The following CNGA3 variants were observed in gnomAD, a reference collection of about 807,000 sequenced individuals.
CNGA3 encodes cyclic nucleotide-gated channel alpha-3.
A neutral mutation model predicts 46.6 loss-of-function variants in CNGA3; 42 were observed. The ratio of observed to expected loss-of-function variants is 0.90; its 90% confidence interval spans 0.70 to 1.17. The LOEUF is 1.17. Ranked by LOEUF, CNGA3 falls within the 50% of genes most tolerant of loss-of-function variation. The probability of loss-of-function intolerance (pLI) is 0.00; values close to 1 mark genes in which losing one functional copy is unlikely to be tolerated. For missense variants in CNGA3, 893 were observed against 890.7 expected (o/e 1.00, Z -0.03); for synonymous variants, 394 against 369.4 (o/e 1.07, Z -0.76).
At position 98,398,395 on chromosome 2, in the gene CNGA3, G is replaced by A. The variant is rs1374350724; in HGVS notation, c.*1140G>A. On this transcript the variant is annotated 3_prime_UTR_variant, in exon 8 of 8. Coordinates refer to ENST00000272602, the MANE Select transcript of CNGA3 (RefSeq NM_001298.3). Reference sequence around the variant, plus strand: ...ATTCCATCCTTCACTTATGTAACATGTTGCAAATTACCCAAAGATGAGTCT... The same window carrying A: ...ATTCCATCCTTCACTTATGTAACATATTGCAAATTACCCAAAGATGAGTCT... 3 of 152,168 alleles carry A rather than the reference G, an allele frequency of 2.0e-5. No individual in the cohort carries two copies. The highest frequency in any genetic ancestry group is 7.2e-5 in the African/African-American group (3 of 41,516). The allele number at this position is 152,168 out of a possible 1,614,324, so 9.4% of individuals were successfully genotyped here.
chr2:98,386,374 G>T (rs1352991160), intron 5 of CNGA3, among the ~76,000 whole-genome samples: 1 of 152,206 alleles, frequency 6.6e-6, no homozygotes, highest in Non-Finnish European at 1.5e-5. Flanking sequence ...GATCTGGTGG[G>T]AGGTAATTGA....
chr2:98,368,894 G>C (rs964441923), intron 1 of CNGA3, among the ~76,000 whole-genome samples: 2 of 152,194 alleles, frequency 1.3e-5, no homozygotes, highest in East Asian at 3.8e-4. Context: ...GGTAGGTCAA[G>C]GTGTGGCCAT....
chr2:98,380,366 A>G lies in CNGA3; in HGVS notation c.395+12A>G, dbSNP rs1298449939. 1.2e-6 allele frequency: 2 copies of G among 1,612,518 alleles called. No individual in the cohort carries two copies. Among genetic ancestry groups the G allele is most frequent in the African/African-American group, 2.7e-5 (2 of 74,914 alleles). On this transcript the variant is annotated intron_variant, in intron 4 of 7. Coordinates refer to ENST00000272602, the MANE Select transcript of CNGA3 (RefSeq NM_001298.3). ...GACAGAGGGAGAAGGTAAGGAACGG[A>G]AAAGAAGAAGGGGCCTCTGGTGCCT... is the stretch of plus-strand genomic sequence containing the variant.
chr2:98,380,532 GC>G (rs1375052314), intron 4 of CNGA3, among the ~76,000 whole-genome samples, 178 bp downstream of exon 4: 2 of 152,152 alleles, frequency 1.3e-5, no homozygotes, highest in African/African-American at 4.8e-5. Flanking sequence ...AACAGCCTCT[GC>G]GGAGTCCAAG....
At chr2:98,386,875 G>A (rs141120669) in intron 5 of CNGA3, among the ~76,000 whole-genome samples, 131 of 152,276 alleles carry the variant, frequency 8.6e-4, no homozygotes, top group African/African-American at 3.1e-3. Flanking sequence ...CAAGAAGCTG[G>A]ATTCTGCGTA....
chr2:98,395,168 G>A (rs531175171), intron 7 of CNGA3, among the ~76,000 whole-genome samples: 84 of 151,800 alleles, frequency 5.5e-4, no homozygotes, highest in Admixed American at 3.2e-3. Flanking sequence ...ATCTGCCTCC[G>A]TCACTTTTTT....
At chr2:98,372,754 C>A (rs1442881586) in intron 2 of CNGA3, among the ~76,000 whole-genome samples, 6 of 152,144 alleles carry the variant, frequency 3.9e-5, no homozygotes, top group African/African-American at 1.4e-4. Context: ...GCTCAATTGA[C>A]TCCCACTCCC....
chr2:98,382,162 G>A (rs115946600), intron 4 of CNGA3, among the ~76,000 whole-genome samples: 213 of 152,276 alleles, frequency 1.4e-3, no homozygotes, highest in African/African-American at 4.7e-3. Flanking sequence ...GCGATGGTGC[G>A]GATAGTGTTG....
intron 3 of CNGA3, 147 bp from the exon 4 acceptor site, chr2:98,380,028 C>A: frequency 2.1e-6 from 2 of 932,390 alleles, no homozygotes; most frequent in African/African-American, 1.6e-5. Context: ...CCCCCAGCAC[C>A]CGTACCCTGC....
chr2:98,379,033 T>G (rs538892645), intron 3 of CNGA3, among the ~76,000 whole-genome samples: 1 of 152,324 alleles, frequency 6.6e-6, no homozygotes, highest in South Asian at 2.1e-4. Flanking sequence ...TCTCTGTGCG[T>G]CAGTTGTCTG....
chr2:98,375,732 G>A (rs1163716548), intron 2 of CNGA3, among the ~76,000 whole-genome samples: 3 of 152,218 alleles, frequency 2.0e-5, no homozygotes, highest in Non-Finnish European at 4.4e-5. Flanking sequence ...ACAGGGCTCA[G>A]TCCTCAGCCA....
chr2:98,362,937 GATTTGTTA>G (rs1692066056), intron 1 of CNGA3, among the ~76,000 whole-genome samples: 1 of 152,164 alleles, frequency 6.6e-6, no homozygotes. Context: ...GCTTTGGTCA[GATTTGTTA>G]AAGATCAGAT....
At chr2:98,373,141 G>A (rs1396256569) in intron 2 of CNGA3, among the ~76,000 whole-genome samples, 1 of 152,122 alleles carries the variant, frequency 6.6e-6, no homozygotes, top group Non-Finnish European at 1.5e-5. Context: ...AGGGATGGAG[G>A]CTGGGCCCAG....
At chr2:98,369,880 C>A in intron 1 of CNGA3, 59 bp from the exon 2 acceptor site, 2 of 1,123,460 alleles carry the variant, frequency 1.8e-6, no homozygotes, top group Non-Finnish European at 2.6e-6. Flanking sequence ...CCTTGATGAG[C>A]TGGGTTTGCA....
At chr2:98,359,020 G>T (rs1014632683) in intron 1 of CNGA3, among the ~76,000 whole-genome samples, 2 of 152,226 alleles carry the variant, frequency 1.3e-5, no homozygotes, top group African/African-American at 2.4e-5. Flanking sequence ...CAGGCAGGCA[G>T]TTTATTTGGG....
At chr2:98,364,145 A>G (rs1438668625) in intron 1 of CNGA3, among the ~76,000 whole-genome samples, 1 of 152,222 alleles carries the variant, frequency 6.6e-6, no homozygotes, top group East Asian at 1.9e-4. Flanking sequence ...TGGAAGGCCA[A>G]GGTGGGCAGA....
chr2:98,362,199 G>A (rs112217768), intron 1 of CNGA3, among the ~76,000 whole-genome samples: 22,714 of 106,262 alleles, frequency 0.21, 2,537 homozygotes, highest in Non-Finnish European at 0.28. Flanking sequence ...TTTTTTTTGA[G>A]GCAGAGTTTT....
chr2:98,364,331 T>C (rs1025928086), intron 1 of CNGA3, among the ~76,000 whole-genome samples: 2 of 152,024 alleles, frequency 1.3e-5, no homozygotes, highest in Admixed American at 6.6e-5. Context: ...TGACCCGAGA[T>C]TGCACCACTG....
In CNGA3 at chr2:98,370,004, A is replaced by T. The variant is rs754054246; in HGVS notation, c.29A>T (p.His10Leu). The change falls in exon 2 of 8, where the codon CAC (histidine) becomes CTC (leucine). Residue 10 changes from histidine (H) to leucine (L), a missense_variant. Coordinates refer to ENST00000272602, the MANE Select transcript of CNGA3 (RefSeq NM_001298.3). MAKINTQYS[H>L]PSRTHLKVKT... ...GCCAAGATCAACACCCAATACTCCC[A>T]CCCCTCCAGGACCCACCTCAAGGTA... The T allele has an allele frequency of 6.2e-7, 1 of 1,613,598 alleles. No individual in the cohort carries two copies. The highest frequency in any genetic ancestry group is 1.3e-5 in the African/African-American group (1 of 74,806).
Sources: gnomAD v4.1 joint callset for allele counts (sites outside exome capture counted in the v4.1 genomes callset) on GRCh38, gnomAD v4.1.1 for gene constraint, MANE v1.5 for transcripts, NCBI Gene and HGNC (gene_info 2026-07-23, HGNC 2026-07-21) for gene names.